The following CDH19 variants were observed in gnomAD, a reference collection of about 807,000 sequenced individuals.
CDH19 encodes cadherin-19.
CDH19 carries 67 observed loss-of-function variants against 64.2 expected under a neutral mutation model. That is an observed-to-expected ratio of 1.04 (90% CI 0.86 to 1.28). The LOEUF is 1.28. Ranked by LOEUF, CDH19 falls within the 50% of genes most tolerant of loss-of-function variation. The pLI is 0.00. For missense variants in CDH19, 1,030 were observed against 929.0 expected, an observed-to-expected ratio of 1.11 and a Z score of -1.41; for synonymous variants, 346 against 319.3, an observed-to-expected ratio of 1.08 and a Z score of -0.89.
At chr18:66,541,369 C>T (rs1414901798) in intron 7 of CDH19, among the ~76,000 whole-genome samples, 2 of 152,010 alleles carry the variant, frequency 1.3e-5, no homozygotes, top group Non-Finnish European at 2.9e-5. Context: ...TTTCATAGCT[C>T]TTACCATGCA....
In CDH19 at chr18:66,575,611, G is replaced by A. The variant is rs539673314; in HGVS notation, c.-112-3295C>T. Among the ~76,000 whole-genome samples the A allele has an allele frequency of 1.3e-4, 20 of 151,924 alleles. No individual in the cohort carries two copies. In the East Asian group the frequency reaches 2.9e-3, roughly 22 times the overall value. ...AAATCACAGTTGTTACACCAAAGCC[G>A]TATTCCTAATCTTCAATAAAGGAAA... On this transcript the variant is annotated intron_variant, in intron 1 of 11. Coordinates refer to ENST00000262150, the MANE Select transcript of CDH19 (RefSeq NM_021153.4).
In CDH19 at chr18:66,554,470, T is replaced by A. The variant is rs1987447164; in HGVS notation, c.545A>T (p.Asn182Ile). 2.5e-6 allele frequency: 4 copies of A among 1,611,296 alleles called. No homozygotes were observed. Residue 182 changes from asparagine (N) to isoleucine (I), a missense_variant, in exon 4 of 12, where the codon AAT becomes ATT. By Grantham distance (149) the Asn-to-Ile change is moderately radical. Transcript: ENST00000262150. ...ASDADDPSSGNNARLLYSLLQ... is the reference protein window; with the variant it reads ...ASDADDPSSGINARLLYSLLQ... ...TAAGCTGTAGAGGAGACGAGCATTATTACCACTTGAGGGATCGTCAGCATC... is the reference window on the plus strand; with the variant it reads ...TAAGCTGTAGAGGAGACGAGCATTAATACCACTTGAGGGATCGTCAGCATC...
rs528413735 is a variant in CDH19 at position 66,584,062 on chromosome 18, G to T, written c.-112-11746C>A. On this transcript the variant is annotated intron_variant, in intron 1 of 11. Transcript: ENST00000262150. ...AAATAAACTATTAACAGACTAAACA[G>T]GAAAACTACAGAATGAGAGAAAATA... 3.3e-3 allele frequency among the ~76,000 whole-genome samples: 501 copies of T among 152,078 alleles called. 3 individuals carry two copies. Among genetic ancestry groups the T allele is most frequent in the African/African-American group, 0.011 (461 of 41,508 alleles).
intron 1 of CDH19, among the ~76,000 whole-genome samples, chr18:66,572,846 AC>A (rs1988148858): frequency 6.6e-6 from 1 of 151,780 alleles, no homozygotes; most frequent in Non-Finnish European, 1.5e-5. Flanking sequence ...TTACACTGAT[AC>A]TATAAAACAC....
At chr18:66,543,698 T>G (rs1217220888) in intron 7 of CDH19, among the ~76,000 whole-genome samples, 1 of 151,774 alleles carries the variant, frequency 6.6e-6, no homozygotes, top group Non-Finnish European at 1.5e-5. Flanking sequence ...GCCTGGACAA[T>G]GTGATGAAAC....
At chr18:66,519,152 C>G (rs998099820) in intron 9 of CDH19, among the ~76,000 whole-genome samples, 2 of 152,186 alleles carry the variant, frequency 1.3e-5, no homozygotes, top group Non-Finnish European at 2.9e-5. Flanking sequence ...TCATCTCCAA[C>G]AGACATTGAC....
In CDH19 at chr18:66,598,533, C is replaced by T. The variant is rs190523995; in HGVS notation, c.-113+5421G>A. Among the ~76,000 whole-genome samples, 4 of 152,038 alleles carry T rather than the reference C, an allele frequency of 2.6e-5. No homozygotes were observed. The East Asian group carries it at 7.8e-4, about 29-fold the overall frequency. On this transcript the variant is annotated intron_variant, in intron 1 of 11. Transcript: ENST00000262150. ...TAAAAATGAGATCATGTCCTTTGCC[C>T]CAATAGGATGGAACTGGAGGCCATT...
intron 2 of CDH19, among the ~76,000 whole-genome samples, chr18:66,571,081 TGTG>T (rs1988086906): frequency 6.6e-6 from 1 of 150,748 alleles, no homozygotes; most frequent in Non-Finnish European, 1.5e-5. Context: ...TTTCTTGTAA[TGTG>T]TGTGTGTGTG....
intron 11 of CDH19, among the ~76,000 whole-genome samples, chr18:66,507,369 C>A (rs899490704): frequency 1.3e-5 from 2 of 151,792 alleles, no homozygotes; most frequent in African/African-American, 2.4e-5. Flanking sequence ...ATATCTCATG[C>A]CAGTTTGAGT....
intron 3 of CDH19, among the ~76,000 whole-genome samples, chr18:66,564,877 T>C (rs1282261516): frequency 1.3e-5 from 2 of 151,652 alleles, no homozygotes; most frequent in Non-Finnish European, 2.9e-5. Context: ...TTTTTTTTTT[T>C]TTGACATTAT....
intron 1 of CDH19, among the ~76,000 whole-genome samples, chr18:66,575,966 T>C (rs945178893): frequency 4.6e-5 from 7 of 151,734 alleles, no homozygotes. Context: ...AAACCATATA[T>C]AAAGTGGTAT....
intron 1 of CDH19, among the ~76,000 whole-genome samples, chr18:66,573,494 C>T (rs564537055): frequency 6.6e-6 from 1 of 151,698 alleles, no homozygotes; most frequent in Admixed American, 6.6e-5. Flanking sequence ...AGAAATTCAA[C>T]TGAGGTGAAA....
intron 9 of CDH19, among the ~76,000 whole-genome samples, chr18:66,513,473 G>A (rs1444313453): frequency 2.0e-5 from 3 of 151,348 alleles, no homozygotes; most frequent in African/African-American, 7.3e-5. Flanking sequence ...CATAAAATGA[G>A]TCATATATCA....
At chr18:66,602,778 T>C (rs1056987759) in intron 1 of CDH19, among the ~76,000 whole-genome samples, 1 of 151,864 alleles carries the variant, frequency 6.6e-6, no homozygotes, top group Non-Finnish European at 1.5e-5. Flanking sequence ...AAATTTTGAA[T>C]AATTGCAGAC....
intron 7 of CDH19, among the ~76,000 whole-genome samples, chr18:66,539,780 CT>C (rs35362590): frequency 2.0e-4 from 31 of 151,790 alleles, no homozygotes; most frequent in Non-Finnish European, 3.8e-4. Flanking sequence ...TGGAACTGCT[CT>C]TTTTTTATGA....
chr18:66,589,949 T>G (rs897163492), intron 1 of CDH19, among the ~76,000 whole-genome samples: 2 of 149,522 alleles, frequency 1.3e-5, no homozygotes, highest in African/African-American at 4.8e-5. Flanking sequence ...CTTTAACAAA[T>G]GAACAAATAT....
At chr18:66,522,477 T>C (rs138162579) in intron 9 of CDH19, among the ~76,000 whole-genome samples, 2,357 of 152,072 alleles carry the variant, frequency 0.015, 33 homozygotes, top group Middle Eastern at 0.027. Flanking sequence ...TTCGAACCCC[T>C]GACCTCAGGT....
chr18:66,540,887 A>T (rs1361789108), intron 7 of CDH19, among the ~76,000 whole-genome samples: 1 of 152,126 alleles, frequency 6.6e-6, no homozygotes, highest in Admixed American at 6.5e-5. Context: ...TTTAAGAATA[A>T]TTTCTTATGA....
intron 3 of CDH19, among the ~76,000 whole-genome samples, chr18:66,568,115 T>C (rs1206687950): frequency 6.6e-6 from 1 of 151,892 alleles, no homozygotes; most frequent in Non-Finnish European, 1.5e-5. Context: ...GAAAAAGAAA[T>C]TCTTGTACTT....
Sources: gnomAD v4.1 joint callset for allele counts (sites outside exome capture counted in the v4.1 genomes callset) on GRCh38, gnomAD v4.1.1 for gene constraint, MANE v1.5 for transcripts, NCBI Gene and HGNC (gene_info 2026-07-23, HGNC 2026-07-21) for gene names.